The following FREM1 variants were observed in gnomAD, a reference collection of about 807,000 sequenced individuals.
FREM1 encodes the protein FRAS1 related extracellular matrix 1, also known as FRAS1-related extracellular matrix protein 1.
A neutral mutation model predicts 210.1 loss-of-function variants in FREM1; 220 were observed. That is an observed-to-expected ratio of 1.05 (90% CI 0.94 to 1.17). The LOEUF (loss-of-function observed/expected upper bound fraction) is 1.17, where lower values mean the gene tolerates loss of function less well. FREM1 is among the 50% of genes most tolerant of loss of function. The probability of loss-of-function intolerance (pLI) is 0.00; values close to 1 mark genes in which losing one functional copy is unlikely to be tolerated. For missense variants in FREM1, 3,454 were observed against 2,675.5 expected, an observed-to-expected ratio of 1.29 and a Z score of -6.42; for synonymous variants, 1,189 against 980.2, an observed-to-expected ratio of 1.21 and a Z score of -3.98.
chr9:14,748,015 G>A (rs557802851), intron 31 of FREM1, among the ~76,000 whole-genome samples: 161 of 151,948 alleles, frequency 1.1e-3, no homozygotes, highest in Admixed American at 2.6e-3. Context: ...ACACACACAC[G>A]CGTGTGCACA....
chr9:14,896,277 G>A (rs551188746), intron 1 of FREM1, among the ~76,000 whole-genome samples: 131 of 152,258 alleles, frequency 8.6e-4, no homozygotes, highest in Non-Finnish European at 1.8e-3. Context: ...TGGGCCCCGT[G>A]GCTCATGCCT....
chr9:14,816,137 C>G (rs1820263075), intron 15 of FREM1, among the ~76,000 whole-genome samples: 1 of 152,048 alleles, frequency 6.6e-6, no homozygotes, highest in Non-Finnish European at 1.5e-5. Context: ...ACAAATATTT[C>G]TGAGTTTTAT....
At chr9:14,784,290 T>G (rs1273964346) in intron 24 of FREM1, 80 bp downstream of exon 24, 24 of 1,307,938 alleles carry the variant, frequency 1.8e-5, no homozygotes, top group Non-Finnish European at 2.2e-5. Context: ...ATGGTTACTA[T>G]AGTGAAGCAC....
At chr9:14,894,365 G>A (rs1035255955) in intron 1 of FREM1, among the ~76,000 whole-genome samples, 2 of 152,130 alleles carry the variant, frequency 1.3e-5, no homozygotes, top group Admixed American at 1.3e-4. Context: ...CTGCCCTAAG[G>A]CATTTTATCA....
rs773926080 is a variant in FREM1, at chr9:14,748,664, G to A, written c.5558-25C>T. On this transcript the variant is annotated intron_variant, in intron 30 of 36. Transcript: ENST00000380880. ...CCTGGAGGCATGCAAGATGGCAGGC[G>A]GTCAGTTCATTTTACACAAACAGAT... 39 of 1,486,444 alleles carry A rather than the reference G, an allele frequency of 2.6e-5. 2 individuals carry two copies. The South Asian group carries it at 3.0e-4, about 11-fold the overall frequency. 92.1% of individuals were successfully genotyped at this position (1,486,444 alleles called of 1,614,324 possible).
chr9:14,792,305 G>C (rs200112338), intron 22 of FREM1, among the ~76,000 whole-genome samples: 20,971 of 108,778 alleles, frequency 0.19, 2,250 homozygotes, highest in African/African-American at 0.36. Context: ...CACACACACA[G>C]AGAGAGAGAG....
chr9:14,892,294 C>G (rs1369329510), intron 1 of FREM1, among the ~76,000 whole-genome samples: 3 of 152,132 alleles, frequency 2.0e-5, no homozygotes, highest in African/African-American at 7.2e-5. Context: ...AAAGGAAAAT[C>G]ATTTGCACAC....
intron 17 of FREM1, among the ~76,000 whole-genome samples, chr9:14,807,533 T>TA (rs1405754076): frequency 2.0e-5 from 3 of 152,196 alleles, no homozygotes; most frequent in Non-Finnish European, 4.4e-5. Flanking sequence ...CTCTCCGGTA[T>TA]ACTCACTCTG....
chr9:14,753,674 C>T (rs1843770774), intron 29 of FREM1, among the ~76,000 whole-genome samples: 1 of 152,142 alleles, frequency 6.6e-6, no homozygotes, highest in South Asian at 2.1e-4. Context: ...AAATTGATTT[C>T]CCTTGGTAAA....
At chr9:14,903,767 G>C (rs924196142) in intron 1 of FREM1, among the ~76,000 whole-genome samples, 1 of 152,160 alleles carries the variant, frequency 6.6e-6, no homozygotes, top group Admixed American at 6.5e-5. Flanking sequence ...GCCTTAAGCA[G>C]TCTCATAAAA....
intron 4 of FREM1, 106 bp from the exon 5 acceptor site, chr9:14,857,855 A>G: frequency 1.4e-6 from 1 of 734,362 alleles, no homozygotes; most frequent in Non-Finnish European, 2.2e-6. Context: ...TCACTGCCTC[A>G]GGAACACTCA....
intron 3 of FREM1, among the ~76,000 whole-genome samples, chr9:14,860,816 C>CGTATATACGTATATAT (rs1488331325): frequency 6.9e-5 from 5 of 72,182 alleles, no homozygotes; most frequent in African/African-American, 2.0e-4. Flanking sequence ...TACATATATA[C>CGTATATACGTATATAT]ACATATATAC....
At chr9:14,830,357 G>A (rs939892326) in intron 10 of FREM1, among the ~76,000 whole-genome samples, 4 of 152,136 alleles carry the variant, frequency 2.6e-5, no homozygotes, top group Admixed American at 6.5e-5. Context: ...GGGACACGGG[G>A]GAAGGCAGCA....
rs765270850 is a variant in FREM1, at chr9:14,846,012, A to C, written c.1341T>G (p.Ala447=). Residue 447 remains alanine (A), a synonymous_variant, in exon 8 of 37, where the codon GCT becomes GCG. Transcript: ENST00000380880. ...FQVVDNDDIG[A]VRLVTVGGLQ... is the part of the protein sequence containing the mutation. Reference sequence around the variant, plus strand: ...GGCCACCAACGGTGACTAGCCGGACAGCACCAATGTCGTCATTGTCGACAA... The same window carrying C: ...GGCCACCAACGGTGACTAGCCGGACCGCACCAATGTCGTCATTGTCGACAA... 6.2e-7 allele frequency: 1 copy of C among 1,612,948 alleles called. No homozygotes were observed.
chr9:14,852,996 G>C (rs2131421437), intron 5 of FREM1, among the ~76,000 whole-genome samples: 1 of 152,328 alleles, frequency 6.6e-6, no homozygotes, highest in East Asian at 1.9e-4. Flanking sequence ...AAAAGATTGA[G>C]AAAGGTAAGA....
At position 14,777,808 on chromosome 9, in the gene FREM1, G is replaced by T. The variant is rs145209214; in HGVS notation, c.4443-1605C>A. Among the ~76,000 whole-genome samples the T allele has an allele frequency of 2.2e-3, 342 of 152,256 alleles. 2 individuals carry two copies. Among genetic ancestry groups the T allele is most frequent in the African/African-American group, 7.8e-3 (324 of 41,542 alleles). On this transcript the variant is annotated intron_variant, in intron 24 of 36. Transcript: ENST00000380880. The stretch of plus-strand genomic sequence containing the variant: ...AAGAAACCTGAAGCTATTAGATAGT[G>T]TGAAAGCAACGAGTCAACCAGCCTG...
In FREM1 at chr9:14,821,548, G is replaced by A. The variant is rs903420727; in HGVS notation, c.2337+1612C>T. 2.0e-5 allele frequency among the ~76,000 whole-genome samples: 3 copies of A among 152,194 alleles called. No homozygotes were observed. The East Asian group carries it at 5.8e-4, about 29-fold the overall frequency. On this transcript the variant is annotated intron_variant, in intron 13 of 36. Transcript: ENST00000380880. ...AATGGTCTGAATAAAATCTAATCAAGTTGACTCCATAAGCATTCTAAACTA... is the reference window on the plus strand; with the variant it reads ...AATGGTCTGAATAAAATCTAATCAAATTGACTCCATAAGCATTCTAAACTA...
At chr9:14,766,626 A>T (rs1435959189) in intron 27 of FREM1, among the ~76,000 whole-genome samples, 1 of 152,184 alleles carries the variant, frequency 6.6e-6, no homozygotes, top group Non-Finnish European at 1.5e-5. Context: ...TGCAATAGCC[A>T]AAACTGACCA....
chr9:14,845,584 C>A lies in FREM1; in HGVS notation c.1393+376G>T, dbSNP rs140941340. Among the ~76,000 whole-genome samples, 20 of 152,276 alleles carry A rather than the reference C, an allele frequency of 1.3e-4. No individual in the cohort carries two copies. The East Asian group carries it at 3.9e-3, about 29-fold the overall frequency. ...CCTCCCAAAATGTTGGGATTACAGG[C>A]GTGAGCCACTGCGCTCGGCCTAATT... is the stretch of plus-strand genomic sequence containing the variant. On this transcript the variant is annotated intron_variant, in intron 8 of 36. Transcript: ENST00000380880.
Sources: allele counts gnomAD v4.1 joint callset (sites outside exome capture counted in the v4.1 genomes callset), GRCh38; gene constraint gnomAD v4.1.1; transcripts MANE v1.5; gene names NCBI Gene and HGNC (gene_info 2026-07-23, HGNC 2026-07-21).